Variants in ACAP2 observed in about 807,000 individuals in gnomAD.
The protein encoded by ACAP2 is arf-GAP with coiled-coil, ANK repeat and PH domain-containing protein 2.
Under a neutral mutation model 115.8 loss-of-function variants are expected in ACAP2, and 39 were observed. That is an observed-to-expected ratio of 0.34 (90% confidence interval 0.26 to 0.44). ACAP2 has a LOEUF of 0.44. Among genes scored for constraint, ACAP2 ranks in the 20% least tolerant of loss-of-function variants. The pLI, the probability that ACAP2 is intolerant of heterozygous loss-of-function variation, is 1.00. For missense variants in ACAP2, 662 were observed against 927.6 expected (o/e 0.71, Z 3.72); for synonymous variants, 289 against 315.8 (o/e 0.92, Z 0.90).
At chr3:195,324,106 G>T (rs907093684) in intron 9 of ACAP2, among the ~76,000 whole-genome samples, 1 of 152,014 alleles carries the variant, frequency 6.6e-6, no homozygotes, top group Non-Finnish European at 1.5e-5. Context: ...AAAAGGATTT[G>T]ATCAACAATT....
intron 1 of ACAP2, chr3:195,419,475 A>G (rs962856759): frequency 1.3e-5 from 2 of 152,188 alleles, no homozygotes; most frequent in African/African-American, 4.8e-5. Flanking sequence ...GAGGGGAAGG[A>G]GCAGAACAAG....
Position 195,382,092 on chromosome 3 carries a change from G to A in ACAP2, c.112-70C>T. The A allele has an allele frequency of 4.1e-6, 6 of 1,467,882 alleles. 1 individual carries two copies. The South Asian group carries it at 7.5e-5, about 18-fold the overall frequency. 90.9% of individuals were successfully genotyped at this position (1,467,882 alleles called of 1,614,324 possible). A position where few individuals can be genotyped will look rare whatever the true frequency, so the allele number is the denominator to read the frequency against. On this transcript the variant is annotated intron_variant, in intron 2 of 22. Coordinates refer to ENST00000326793, the MANE Select transcript of ACAP2 (RefSeq NM_012287.6). ...AAATTACTTAGTTGAACAAGTGTTG[G>A]CAGTAACTATATGAGGTGACCTAGT...
At chr3:195,396,717 G>T (rs1272230891) in intron 1 of ACAP2, among the ~76,000 whole-genome samples, 2 of 141,076 alleles carry the variant, frequency 1.4e-5, no homozygotes, top group African/African-American at 5.2e-5. Context: ...AACCCGGGAG[G>T]CAGAGGTTGC....
At chr3:195,417,426 T>G (rs929895038) in intron 1 of ACAP2, among the ~76,000 whole-genome samples, 4 of 152,122 alleles carry the variant, frequency 2.6e-5, no homozygotes, top group African/African-American at 9.7e-5. Context: ...AATTCCTTCT[T>G]CCTCATGCCC....
chr3:195,342,989 C>T (rs577111357), intron 5 of ACAP2, among the ~76,000 whole-genome samples: 7 of 134,732 alleles, frequency 5.2e-5, no homozygotes, highest in African/African-American at 1.1e-4. Context: ...AGCAAGACTC[C>T]GACTCAAAAA....
At chr3:195,342,829 A>T (rs1253018258) in intron 5 of ACAP2, 175 bp from the exon 6 acceptor site, 1 of 445,826 alleles carries the variant, frequency 2.2e-6, no homozygotes. Flanking sequence ...CCCCATCTCT[A>T]CTAAAAATAC....
At chr3:195,329,470 C>T (rs1730030370) in intron 8 of ACAP2, among the ~76,000 whole-genome samples, 1 of 152,194 alleles carries the variant, frequency 6.6e-6, no homozygotes, top group Non-Finnish European at 1.5e-5. Flanking sequence ...CCCTCTTGAA[C>T]TACCATCTGC....
chr3:195,410,534 G>A (rs1044940156), intron 1 of ACAP2, among the ~76,000 whole-genome samples: 3 of 152,120 alleles, frequency 2.0e-5, no homozygotes, highest in Non-Finnish European at 4.4e-5. Context: ...AGATTACACA[G>A]AGAACTCCTA....
rs1726243604 is a variant in ACAP2, at chr3:195,277,992, A to G, written c.*1336T>C. On this transcript the variant is annotated 3_prime_UTR_variant, in exon 23 of 23. Coordinates refer to ENST00000326793, the MANE Select transcript of ACAP2 (RefSeq NM_012287.6). ...GCTACTCGGGAGGCTGAGGCAGGAG[A>G]ATTGCTTGAACCCAAGAGGAGGAGG... is the stretch of plus-strand genomic sequence containing the variant. 6.6e-6 allele frequency: 1 copy of G among 151,938 alleles called. No individual in the cohort carries two copies. The highest frequency in any genetic ancestry group is 1.9e-4 in the East Asian group (1 of 5,184). 9.4% of individuals were successfully genotyped at this position (151,938 alleles called of 1,614,324 possible).
At chr3:195,367,183 A>G (rs1405170285) in intron 4 of ACAP2, among the ~76,000 whole-genome samples, 1 of 152,178 alleles carries the variant, frequency 6.6e-6, no homozygotes, top group Non-Finnish European at 1.5e-5. Context: ...TTGTTCAAAC[A>G]CAGATTGCTA....
intron 2 of ACAP2, among the ~76,000 whole-genome samples, chr3:195,391,354 C>T (rs556246340): frequency 6.6e-6 from 1 of 151,794 alleles, no homozygotes; most frequent in Non-Finnish European, 1.5e-5. Context: ...CTCAGCCTCC[C>T]GAGTAGCTAG....
intron 20 of ACAP2, 125 bp downstream of exon 20, chr3:195,291,581 A>AT (rs1727257980): frequency 1.6e-6 from 1 of 613,186 alleles, no homozygotes; most frequent in African/African-American, 1.9e-5. Flanking sequence ...TCGTGACAAA[A>AT]TAAGTCATGG....
chr3:195,355,532 T>A (rs1043083913), intron 4 of ACAP2, among the ~76,000 whole-genome samples: 7 of 152,198 alleles, frequency 4.6e-5, no homozygotes, highest in Non-Finnish European at 8.8e-5. Flanking sequence ...AAGCAACACA[T>A]GTATTACAAA....
intron 4 of ACAP2, among the ~76,000 whole-genome samples, chr3:195,355,648 T>C (rs1007624757): frequency 6.6e-6 from 1 of 152,224 alleles, no homozygotes; most frequent in African/African-American, 2.4e-5. Flanking sequence ...ACTAAAGTTA[T>C]TCCTCATACA....
At chr3:195,316,681 G>A (rs1729110248) in intron 10 of ACAP2, among the ~76,000 whole-genome samples, 1 of 152,000 alleles carries the variant, frequency 6.6e-6, no homozygotes, top group South Asian at 2.1e-4. Flanking sequence ...TTACAGGCAT[G>A]AACCACCATG....
At chr3:195,289,587 T>A (rs930324416) in intron 20 of ACAP2, among the ~76,000 whole-genome samples, 2 of 151,310 alleles carry the variant, frequency 1.3e-5, no homozygotes, top group African/African-American at 4.9e-5. Context: ...GATCACAAAG[T>A]CAGGAGATCG....
At chr3:195,407,721 C>G (rs926988953) in intron 1 of ACAP2, among the ~76,000 whole-genome samples, 5 of 152,034 alleles carry the variant, frequency 3.3e-5, no homozygotes, top group Middle Eastern at 6.8e-3. Context: ...AGATAGATCT[C>G]AGAGATCAAT....
At chr3:195,389,224 A>G (rs752054390) in intron 2 of ACAP2, among the ~76,000 whole-genome samples, 44 of 152,276 alleles carry the variant, frequency 2.9e-4, no homozygotes, top group Non-Finnish European at 5.1e-4. Flanking sequence ...CGATACTTCA[A>G]TAACTTGTTT....
intron 4 of ACAP2, among the ~76,000 whole-genome samples, chr3:195,371,705 T>C (rs1012677022): frequency 6.6e-6 from 1 of 152,148 alleles, no homozygotes; most frequent in Non-Finnish European, 1.5e-5. Context: ...CAAGGTGGAG[T>C]GCAGTGGCGT....
Sources: gnomAD v4.1 joint callset for allele counts (sites outside exome capture counted in the v4.1 genomes callset) on GRCh38, gnomAD v4.1.1 for gene constraint, MANE v1.5 for transcripts, NCBI Gene and HGNC (gene_info 2026-07-23, HGNC 2026-07-21) for gene names.